The following AGO1 variants were observed in gnomAD, a reference collection of about 807,000 sequenced individuals.
AGO1 encodes protein argonaute-1.
Under a neutral mutation model 109.2 loss-of-function variants are expected in AGO1, and 11 were observed. The ratio of observed to expected loss-of-function variants is 0.10; its 90% CI spans 0.06 to 0.17. The LOEUF (loss-of-function observed/expected upper bound fraction) is 0.17. Ranked by LOEUF, AGO1 falls within the 10% of genes least tolerant of loss-of-function variation. The pLI is 1.00. For missense variants in AGO1, 574 were observed against 1,140.3 expected, an observed-to-expected ratio of 0.50 and a Z score of 7.15; for synonymous variants, 422 against 418.6, an observed-to-expected ratio of 1.01 and a Z score of -0.10.
intron 11 of AGO1, among the ~76,000 whole-genome samples, chr1:35,904,584 A>G (rs1172382294): frequency 3.3e-5 from 5 of 151,966 alleles, no homozygotes; most frequent in Non-Finnish European, 5.9e-5. Context: ...TGTTTTGGCC[A>G]TTTGGGGTAT....
intron 11 of AGO1, among the ~76,000 whole-genome samples, 140 bp from the exon 12 acceptor site, chr1:35,906,775 TCCATCCTGGTTGACAGAGCA>T (rs1645527322): frequency 6.7e-6 from 1 of 148,158 alleles, no homozygotes; most frequent in South Asian, 2.1e-4. Context: ...GCCATTGTAC[TCCATCCTGGTTGACAGAGCA>T]CCCTGTCTCA....
At chr1:35,878,262 T>G (rs1180585919), upstream of AGO1, among the ~76,000 whole-genome samples, 3 of 151,854 alleles carry the variant, frequency 2.0e-5, no homozygotes, top group Admixed American at 1.3e-4. Context: ...TTTTTTTGTA[T>G]TTTTAGTAGA....
chr1:35,891,771 C>T (rs1645223888), intron 2 of AGO1, among the ~76,000 whole-genome samples: 1 of 151,966 alleles, frequency 6.6e-6, no homozygotes, highest in Non-Finnish European at 1.5e-5. Context: ...CTCCATGTTG[C>T]CCAGGCTGGT....
At chr1:35,911,075 A>T (rs1390066836) in intron 12 of AGO1, among the ~76,000 whole-genome samples, 6 of 152,202 alleles carry the variant, frequency 3.9e-5, no homozygotes, top group Admixed American at 6.5e-5. Context: ...CAAAAGAAAA[A>T]AAAAATAATA....
Position 35,893,612 on chromosome 1 carries a change from A to G in AGO1, c.513-62A>G. On this transcript the variant is annotated intron_variant, in intron 4 of 18. Coordinates refer to ENST00000373204, the MANE Select transcript of AGO1 (RefSeq NM_012199.5). The surrounding 1 kb of genome is among the most constrained non-coding windows in gnomAD (Gnocchi z 5.6). ...TTCAGGCCAGGGCTCCTCCGTGCCCAGGATGCCTCACAGGGTGGGGGCCTG... is the reference window on the plus strand; with the variant it reads ...TTCAGGCCAGGGCTCCTCCGTGCCCGGGATGCCTCACAGGGTGGGGGCCTG... 1 of 1,524,150 alleles carries G rather than the reference A, an allele frequency of 6.6e-7. No homozygotes were observed. Among genetic ancestry groups the G allele is most frequent in the Non-Finnish European group, 8.9e-7 (1 of 1,128,814 alleles). The allele number at this position is 1,524,150 out of a possible 1,614,324, so 94.4% of individuals were successfully genotyped here. A position where few individuals can be genotyped will look rare whatever the true frequency, so the allele number is the denominator to read the frequency against.
intron 8 of AGO1, among the ~76,000 whole-genome samples, chr1:35,898,634 A>G (rs1318650175): frequency 6.6e-6 from 1 of 152,188 alleles, no homozygotes; most frequent in East Asian, 1.9e-4. Flanking sequence ...GCAAAGAATG[A>G]CAGTTGTAAT....
At chr1:35,877,858 A>G (rs1231322682) in intron 1 of AGO1, among the ~76,000 whole-genome samples, 1 of 149,820 alleles carries the variant, frequency 6.7e-6, no homozygotes, top group Non-Finnish European at 1.5e-5. Context: ...ACGCCCAGCT[A>G]ATTTTTGTAT....
upstream of AGO1, among the ~76,000 whole-genome samples, chr1:35,880,583 G>A (rs1187121531): frequency 6.6e-6 from 1 of 152,098 alleles, no homozygotes; most frequent in East Asian, 1.9e-4. Flanking sequence ...AGTGTGAGAG[G>A]CAAGTAATGA....
rs1175985298 is a variant in AGO1 at position 35,883,878 on chromosome 1, G to A, written c.25+432G>A. Among the ~76,000 whole-genome samples the A allele has an allele frequency of 2.6e-5, 4 of 152,240 alleles. No individual in the cohort carries two copies. Among genetic ancestry groups the A allele is most frequent in the South Asian group, 2.1e-4 (1 of 4,838 alleles). ...AATAGGCTAATGTCTCTTGGGAGAA[G>A]GCGCCAGAGCTGGACTGTGAGCTCC... On this transcript the variant is annotated intron_variant, in intron 1 of 18. Coordinates refer to ENST00000373204, the MANE Select transcript of AGO1 (RefSeq NM_012199.5). This position sits in a 1 kb window ranked among gnomAD's most constrained non-coding sequence, Gnocchi z 5.4.
intron 6 of AGO1, 31 bp downstream of exon 6, chr1:35,894,202 A>G: frequency 6.4e-7 from 1 of 1,569,476 alleles, no homozygotes; most frequent in Non-Finnish European, 8.7e-7. Context: ...GAAGGGAAAC[A>G]GCGCCACTTT....
At chr1:35,895,781 AACTAAC>A (rs1327414039) in intron 8 of AGO1, among the ~76,000 whole-genome samples, 1 of 152,254 alleles carries the variant, frequency 6.6e-6, no homozygotes, top group Non-Finnish European at 1.5e-5. Flanking sequence ...GAGGAATAGT[AACTAAC>A]ACTAAGTTAT....
At chr1:35,871,021 A>C (rs1644945409) in intron 1 of AGO1, among the ~76,000 whole-genome samples, 1 of 152,194 alleles carries the variant, frequency 6.6e-6, no homozygotes. Context: ...TTGCTATTAC[A>C]AACAGTGCTG....
At chr1:35,873,647 T>A in intron 1 of AGO1, 1 of 155,166 alleles carries the variant, frequency 6.4e-6, no homozygotes, top group East Asian at 1.8e-4. Flanking sequence ...TCAGTCTGTC[T>A]TGACAGTTCT....
chr1:35,898,328 C>T (rs1449059680), intron 8 of AGO1, among the ~76,000 whole-genome samples: 3 of 151,640 alleles, frequency 2.0e-5, no homozygotes, highest in Non-Finnish European at 2.9e-5. Context: ...ACGATCTCGG[C>T]TCACTGCAAG....
At chr1:35,915,945 A>C (rs1645727325) in intron 15 of AGO1, among the ~76,000 whole-genome samples, 1 of 152,198 alleles carries the variant, frequency 6.6e-6, no homozygotes, top group African/African-American at 2.4e-5. Flanking sequence ...GGCGATGCTG[A>C]TAGTCTGGAG....
upstream of AGO1, chr1:35,882,783 C>T (rs1645050480): frequency 1.0e-6 from 1 of 984,734 alleles, no homozygotes; most frequent in South Asian, 4.7e-5. The surrounding 1 kb of genome is among the most constrained non-coding windows in gnomAD (Gnocchi z 5.1). Context: ...TGGAGGCAGT[C>T]GCTTTGCAGC....
chr1:35,871,179 T>C (rs1252885483), intron 1 of AGO1, among the ~76,000 whole-genome samples: 2 of 152,194 alleles, frequency 1.3e-5, no homozygotes, highest in Non-Finnish European at 2.9e-5. Context: ...ATCATTATTC[T>C]ACCTCCTTAA....
chr1:35,903,114 C>T (rs567296709), intron 11 of AGO1, among the ~76,000 whole-genome samples: 1 of 149,066 alleles, frequency 6.7e-6, no homozygotes, highest in East Asian at 2.1e-4. Context: ...TCACGCCATT[C>T]TCCTGCCTCA....
Position 35,901,221 on chromosome 1 carries a change from T to C in AGO1, c.1021-253T>C, listed in dbSNP as rs1645410902. Among the ~76,000 whole-genome samples, 1 of 152,160 alleles carries C rather than the reference T, an allele frequency of 6.6e-6. No homozygotes were observed. The highest frequency in any genetic ancestry group is 2.4e-5 in the African/African-American group (1 of 41,444). ...CCTGACCTCAAGTGATCTGGCCGCC[T>C]TGGCCTCCTAAGGTGCTGGGATTGC... is the stretch of plus-strand genomic sequence containing the variant. On this transcript the variant is annotated intron_variant, in intron 8 of 18. Transcript: ENST00000373204. This position sits in a 1 kb window ranked among gnomAD's most constrained non-coding sequence, Gnocchi z 4.8.
Sources: allele counts gnomAD v4.1 joint callset (sites outside exome capture counted in the v4.1 genomes callset), GRCh38; gene constraint gnomAD v4.1.1; non-coding constraint Gnocchi (gnomAD v3.1); transcripts MANE v1.5; gene names NCBI Gene and HGNC (gene_info 2026-07-23, HGNC 2026-07-21).